The following MAN2A1 variants were observed in gnomAD, a reference collection of about 807,000 sequenced individuals.
MAN2A1 encodes alpha-mannosidase 2.
A neutral mutation model predicts 142.6 loss-of-function variants in MAN2A1; 76 were observed. The observed-to-expected ratio is 0.53, with a 90% CI of 0.44 to 0.65. MAN2A1 has a LOEUF of 0.65. Among genes scored for constraint, MAN2A1 ranks in the 30% least tolerant of loss-of-function variants. The probability of loss-of-function intolerance (pLI) is 0.00; values close to 1 mark genes in which losing one functional copy is unlikely to be tolerated. For missense variants in MAN2A1, 1,311 were observed against 1,365.1 expected (o/e 0.96, Z 0.62); for synonymous variants, 559 against 473.2 (o/e 1.18, Z -2.35).
chr5:109,702,944 G>C (rs1042903948), intron 1 of MAN2A1, among the ~76,000 whole-genome samples: 1 of 152,084 alleles, frequency 6.6e-6, no homozygotes, highest in African/African-American at 2.4e-5. Context: ...AGAGTAGTTT[G>C]GAAATTCAGA....
intron 3 of MAN2A1, among the ~76,000 whole-genome samples, chr5:109,725,649 G>C (rs1272001346): frequency 1.3e-5 from 2 of 152,200 alleles, no homozygotes; most frequent in Non-Finnish European, 2.9e-5. Flanking sequence ...TCCTTCTAGA[G>C]TCCAGGGCTC....
intron 4 of MAN2A1, among the ~76,000 whole-genome samples, chr5:109,749,662 G>A (rs2112619045): frequency 6.6e-6 from 1 of 152,096 alleles, no homozygotes; most frequent in African/African-American, 2.4e-5. Context: ...ATGTAAAATA[G>A]ACAGAGAATG....
chr5:109,710,058 G>T (rs184112302), intron 1 of MAN2A1, among the ~76,000 whole-genome samples: 83 of 152,240 alleles, frequency 5.5e-4, no homozygotes, highest in Admixed American at 1.5e-3. Flanking sequence ...TTTGGAGGGA[G>T]ACTTTATTCC....
At chr5:109,760,317 T>A (rs1184925524) in intron 5 of MAN2A1, among the ~76,000 whole-genome samples, 3 of 152,196 alleles carry the variant, frequency 2.0e-5, no homozygotes, top group Non-Finnish European at 4.4e-5. Flanking sequence ...CATGAACTCA[T>A]CCTTTTTATG....
chr5:109,784,573 T>A lies in MAN2A1; in HGVS notation c.1578-171T>A, dbSNP rs562710010. On this transcript the variant is annotated intron_variant, in intron 9 of 21. Coordinates refer to ENST00000261483, the MANE Select transcript of MAN2A1 (RefSeq NM_002372.4). ...GATGATTGAGAACGTAAATGTGTTA[T>A]ACGGGATACATTGGTTGTTTTATAT... Among the ~76,000 whole-genome samples, 3 of 152,318 alleles carry A rather than the reference T, an allele frequency of 2.0e-5. No homozygotes were observed. The East Asian group carries it at 5.8e-4, about 29-fold the overall frequency.
At chr5:109,780,187 A>G (rs1347910227) in intron 8 of MAN2A1, among the ~76,000 whole-genome samples, 1 of 152,034 alleles carries the variant, frequency 6.6e-6, no homozygotes, top group Non-Finnish European at 1.5e-5. Flanking sequence ...CCTCCCGAGT[A>G]GCTGGGACTA....
intron 4 of MAN2A1, among the ~76,000 whole-genome samples, chr5:109,751,513 T>G (rs1752547446): frequency 6.6e-6 from 1 of 152,098 alleles, no homozygotes; most frequent in African/African-American, 2.4e-5. Flanking sequence ...CTTGGTATAC[T>G]TGAGTTTTTC....
Position 109,707,715 on chromosome 5 carries a change from G to A in MAN2A1, c.136-5805G>A, listed in dbSNP as rs533698116. 3.9e-5 allele frequency among the ~76,000 whole-genome samples: 6 copies of A among 152,258 alleles called. No individual in the cohort carries two copies. In the South Asian group the frequency reaches 1.2e-3, roughly 32 times the overall value. On this transcript the variant is annotated intron_variant, in intron 1 of 21. Coordinates refer to ENST00000261483, the MANE Select transcript of MAN2A1 (RefSeq NM_002372.4). Reference sequence around the variant, plus strand: ...ATGTACAAAGGTTTTAGGGTAGGGTGGGGAGGAGCTGGCTTGGAACGGAGA... The same window carrying A: ...ATGTACAAAGGTTTTAGGGTAGGGTAGGGAGGAGCTGGCTTGGAACGGAGA...
chr5:109,829,341 A>G (rs529313083), intron 16 of MAN2A1, among the ~76,000 whole-genome samples: 6 of 152,330 alleles, frequency 3.9e-5, no homozygotes, highest in Admixed American at 2.6e-4. Context: ...GAGAGGAATG[A>G]GCAGGAGCAT....
intron 4 of MAN2A1, among the ~76,000 whole-genome samples, chr5:109,741,543 C>T (rs1413496852): frequency 2.0e-5 from 3 of 152,048 alleles, no homozygotes; most frequent in Non-Finnish European, 4.4e-5. Flanking sequence ...TGGATTAAAT[C>T]TGTACCTAAA....
At chr5:109,714,190 T>TA (rs11445370) in intron 2 of MAN2A1, among the ~76,000 whole-genome samples, 2 of 151,800 alleles carry the variant, frequency 1.3e-5, no homozygotes, top group East Asian at 3.9e-4. Flanking sequence ...TTTTTTTTTT[T>TA]TCTTAATATC....
chr5:109,800,481 G>A (rs1753992261), intron 12 of MAN2A1, among the ~76,000 whole-genome samples: 1 of 152,222 alleles, frequency 6.6e-6, no homozygotes, highest in African/African-American at 2.4e-5. Flanking sequence ...CTGTCCTGCA[G>A]AAATAATCAG....
At chr5:109,796,370 T>C (rs1753861887) in intron 12 of MAN2A1, among the ~76,000 whole-genome samples, 3 of 152,210 alleles carry the variant, frequency 2.0e-5, no homozygotes, top group Non-Finnish European at 4.4e-5. Context: ...ATATGATACA[T>C]GTATATATTT....
intron 3 of MAN2A1, among the ~76,000 whole-genome samples, chr5:109,725,104 A>T (rs6594395): frequency 0.73 from 111,607 of 152,098 alleles, 42,056 homozygotes; most frequent in East Asian, 0.94. Flanking sequence ...ATTTGCAGGA[A>T]CTGGGGCAAA....
intron 5 of MAN2A1, among the ~76,000 whole-genome samples, chr5:109,759,226 G>A (rs10035167): frequency 0.7 from 106,988 of 151,968 alleles, 39,051 homozygotes; most frequent in East Asian, 0.95. Context: ...GTAGATCATC[G>A]TTAATTTCTT....
intron 12 of MAN2A1, among the ~76,000 whole-genome samples, chr5:109,809,697 A>G (rs960886398): frequency 2.0e-5 from 3 of 152,142 alleles, no homozygotes; most frequent in African/African-American, 7.2e-5. Flanking sequence ...TAGGGGATTT[A>G]ACATGACACA....
At chr5:109,742,933 C>G (rs1046301204) in intron 4 of MAN2A1, among the ~76,000 whole-genome samples, 1 of 152,188 alleles carries the variant, frequency 6.6e-6, no homozygotes, top group Admixed American at 6.5e-5. Context: ...ATCCTTCCAC[C>G]TCTCATTCCC....
At chr5:109,823,958 AT>A (rs1326178813) in intron 16 of MAN2A1, 121 bp downstream of exon 16, 2 of 512,508 alleles carry the variant, frequency 3.9e-6, no homozygotes, top group Non-Finnish European at 6.8e-6. Flanking sequence ...TAAACTTGAC[AT>A]TTTTAATATG....
intron 12 of MAN2A1, among the ~76,000 whole-genome samples, chr5:109,804,857 T>A (rs953673802): frequency 6.6e-6 from 1 of 152,152 alleles, no homozygotes; most frequent in African/African-American, 2.4e-5. Context: ...AACAAAACAG[T>A]CTTATTTTAC....
Sources: gnomAD v4.1 joint callset for allele counts (sites outside exome capture counted in the v4.1 genomes callset) on GRCh38, gnomAD v4.1.1 for gene constraint, MANE v1.5 for transcripts, NCBI Gene and HGNC (gene_info 2026-07-23, HGNC 2026-07-21) for gene names.